The following LINGO2 variants were observed in gnomAD, a reference collection of about 807,000 sequenced individuals.
LINGO2 encodes leucine-rich repeat and immunoglobulin-like domain-containing nogo receptor-interacting protein 2.
Under a neutral mutation model 30.6 loss-of-function variants are expected in LINGO2, and 14 were observed. The ratio of observed to expected loss-of-function variants is 0.46; its 90% confidence interval spans 0.30 to 0.72. The LOEUF is 0.72. Among genes scored for constraint, LINGO2 ranks in the 30% least tolerant of loss-of-function variants. The pLI is 0.07. For missense variants in LINGO2, 729 were observed against 751.7 expected (o/e 0.97, Z 0.35); for synonymous variants, 317 against 288.5 (o/e 1.10, Z -1.00).
intron 4 of LINGO2, among the ~76,000 whole-genome samples, chr9:28,105,861 G>A (rs889196118): frequency 1.3e-5 from 2 of 152,052 alleles, no homozygotes; most frequent in Non-Finnish European, 1.5e-5. Context: ...CTTGATCTCG[G>A]ATTTCTGGCC....
chr9:28,358,662 T>A (rs1243700935), intron 3 of LINGO2, among the ~76,000 whole-genome samples: 1 of 152,144 alleles, frequency 6.6e-6, no homozygotes, highest in Non-Finnish European at 1.5e-5. Context: ...TTCAGTTTCC[T>A]CATTTATGAA....
the LINGO2 span, among the ~76,000 whole-genome samples, chr9:29,042,952 T>C: frequency 6.6e-6 from 1 of 151,896 alleles, no homozygotes; most frequent in Non-Finnish European, 1.5e-5. Context: ...GCAATGGTAG[T>C]GGATATGGCT....
At chr9:28,903,496 G>C in the LINGO2 span, among the ~76,000 whole-genome samples, 3 of 152,016 alleles carry the variant, frequency 2.0e-5, no homozygotes, top group Non-Finnish European at 4.4e-5. Flanking sequence ...CATTTATAGA[G>C]ACAGGGTCTC....
chr9:28,037,815 A>G (rs1824009907), intron 4 of LINGO2, among the ~76,000 whole-genome samples: 1 of 152,208 alleles, frequency 6.6e-6, no homozygotes, highest in Non-Finnish European at 1.5e-5. Flanking sequence ...TCTGTAAGAC[A>G]CAACCTCTTA....
chr9:28,368,041 T>C (rs902425790), intron 3 of LINGO2, among the ~76,000 whole-genome samples: 1 of 152,178 alleles, frequency 6.6e-6, no homozygotes, highest in Admixed American at 6.5e-5. Context: ...TATGTACATC[T>C]ACCTCTATCT....
chr9:28,422,042 G>A lies in LINGO2; in HGVS notation c.-278-49174C>T, dbSNP rs1823218345. Among the ~76,000 whole-genome samples the A allele has an allele frequency of 1.3e-5, 2 of 151,936 alleles. 1 individual carries two copies. The highest frequency in any genetic ancestry group is 4.1e-4 in the South Asian group (2 of 4,828). On this transcript the variant is annotated intron_variant, in intron 2 of 5. Coordinates refer to ENST00000379992, the Ensembl canonical transcript of LINGO2. ...GATCAAAGACCTAAACATAAGAGCT[G>A]AAACTATAAAACTCTTTGAAGAAAA...
chr9:28,497,508 A>G (rs186738308), intron 1 of LINGO2, among the ~76,000 whole-genome samples: 40 of 152,270 alleles, frequency 2.6e-4, no homozygotes, highest in African/African-American at 9.1e-4. Context: ...TTTCAGCTTC[A>G]TCAGGTCATT....
intron 4 of LINGO2, among the ~76,000 whole-genome samples, chr9:28,237,653 G>T (rs1443093762): frequency 1.3e-5 from 2 of 152,126 alleles, no homozygotes; most frequent in Non-Finnish European, 2.9e-5. Flanking sequence ...AGGAGTTCAA[G>T]ACCAGCCTGG....
chr9:28,304,646 C>G (rs979512348), intron 3 of LINGO2, among the ~76,000 whole-genome samples: 1 of 151,992 alleles, frequency 6.6e-6, no homozygotes, highest in African/African-American at 2.4e-5. Flanking sequence ...ACAGTACACA[C>G]ATTTATATAA....
intron 4 of LINGO2, among the ~76,000 whole-genome samples, chr9:28,061,804 C>T (rs1283916469): frequency 5.3e-5 from 8 of 152,188 alleles, no homozygotes; most frequent in African/African-American, 1.4e-4. Flanking sequence ...GGAAACCATA[C>T]TGCCTAAATT....
the LINGO2 span, among the ~76,000 whole-genome samples, chr9:28,710,645 G>T: frequency 6.6e-6 from 1 of 151,926 alleles, no homozygotes; most frequent in Admixed American, 6.6e-5. Flanking sequence ...AATTTCACTG[G>T]TTATCTTTGA....
At chr9:28,200,885 C>G (rs891561737) in intron 4 of LINGO2, among the ~76,000 whole-genome samples, 1 of 152,020 alleles carries the variant, frequency 6.6e-6, no homozygotes, top group Non-Finnish European at 1.5e-5. Flanking sequence ...TATTTAAATA[C>G]TCAGGTGAAT....
At chr9:28,549,255 T>A (rs575318413) in intron 1 of LINGO2, among the ~76,000 whole-genome samples, 1 of 152,208 alleles carries the variant, frequency 6.6e-6, no homozygotes, top group African/African-American at 2.4e-5. Flanking sequence ...CCCCAACTGG[T>A]TTTTATGAAG....
chr9:28,988,127 T>C, the LINGO2 span, among the ~76,000 whole-genome samples: 1 of 152,216 alleles, frequency 6.6e-6, no homozygotes, highest in Non-Finnish European at 1.5e-5. Flanking sequence ...TGAAAAGTTA[T>C]ATTAAAGTTT....
At chr9:28,828,181 G>A in the LINGO2 span, among the ~76,000 whole-genome samples, 1 of 151,704 alleles carries the variant, frequency 6.6e-6, no homozygotes, top group Non-Finnish European at 1.5e-5. Flanking sequence ...GAACATAAAT[G>A]TTACATTCTT....
At chr9:28,674,782 T>C (rs966354450), upstream of LINGO2, among the ~76,000 whole-genome samples, 41 of 152,298 alleles carry the variant, frequency 2.7e-4, no homozygotes, top group African/African-American at 9.6e-4. Context: ...GAACTCATCA[T>C]GGTCAAAAGG....
chr9:28,197,302 A>G (rs1038753788), intron 4 of LINGO2, among the ~76,000 whole-genome samples: 1 of 151,970 alleles, frequency 6.6e-6, no homozygotes, highest in South Asian at 2.1e-4. Flanking sequence ...GAAAACAAAT[A>G]GAATATTATG....
chr9:28,588,684 G>C (rs1824701242), intron 1 of LINGO2, among the ~76,000 whole-genome samples: 1 of 151,956 alleles, frequency 6.6e-6, no homozygotes. Flanking sequence ...GGGAGTCAAG[G>C]CTAGCATTTG....
chr9:28,347,794 A>G (rs894228969), intron 3 of LINGO2, among the ~76,000 whole-genome samples: 3 of 152,214 alleles, frequency 2.0e-5, no homozygotes, highest in Admixed American at 6.5e-5. Context: ...GTTGAGAACC[A>G]CTTAAGTGGG....
Sources: allele counts gnomAD v4.1 joint callset (sites outside exome capture counted in the v4.1 genomes callset), GRCh38; gene constraint gnomAD v4.1.1; transcripts MANE v1.5; gene names NCBI Gene and HGNC (gene_info 2026-07-23, HGNC 2026-07-21).